Variants in PCDHA1 observed in about 807,000 individuals in gnomAD.
PCDHA1 encodes the protein protocadherin alpha-1.
A neutral mutation model predicts 61.3 loss-of-function variants in PCDHA1; 42 were observed. That is an observed-to-expected ratio of 0.69 (90% CI 0.54 to 0.89). The LOEUF (loss-of-function observed/expected upper bound fraction) is 0.89. Ranked by LOEUF, PCDHA1 falls within the 40% of genes least tolerant of loss-of-function variation. The probability of loss-of-function intolerance (pLI) is 0.00; values close to 1 mark genes in which losing one functional copy is unlikely to be tolerated. For missense variants in PCDHA1, 1,256 were observed against 1,235.3 expected, an observed-to-expected ratio of 1.02 and a Z score of -0.25; for synonymous variants, 610 against 553.8, an observed-to-expected ratio of 1.10 and a Z score of -1.43.
chr5:140,923,489 A>C (rs549066009), intron 1 of PCDHA1, among the ~76,000 whole-genome samples: 2 of 152,182 alleles, frequency 1.3e-5, no homozygotes, highest in Non-Finnish European at 2.9e-5. Flanking sequence ...TCTTCACACC[A>C]CTGCACTCCA....
chr5:140,842,035 T>C (rs2150327747), intron 1 of PCDHA1: 3 of 1,613,864 alleles, frequency 1.9e-6, no homozygotes, highest in South Asian at 1.1e-5. Context: ...TGAATGATAA[T>C]GCTCCCACTT....
In PCDHA1 at chr5:140,848,642, G is replaced by T. The variant is rs148369101; in HGVS notation, c.2394+59958G>T. On this transcript the variant is annotated intron_variant, in intron 1 of 3. Coordinates refer to ENST00000504120, the MANE Select transcript of PCDHA1 (RefSeq NM_018900.4). ...ACGGCACCTTCGTGGGCCGCATCGC[G>T]CAGGACCTGGGGCTGGAGCTGGCGG... 1.4e-5 allele frequency: 23 copies of T among 1,593,086 alleles called. 1 individual carries two copies. Among genetic ancestry groups the T allele is most frequent in the Admixed American group, 5.1e-5 (3 of 59,214 alleles).
rs146333783 is a variant in PCDHA1 at position 140,850,797 on chromosome 5, G to T, written c.2394+62113G>T. On this transcript the variant is annotated intron_variant, in intron 1 of 3. Transcript: ENST00000504120. ...CTCTGGCGAGGGTAAGCAGAAGACC[G>T]ACCTCATGGCCTTCAGCCCGGGCCT... 279 of 1,598,230 alleles carry T rather than the reference G, an allele frequency of 1.7e-4. 20 individuals carry two copies. The highest frequency in any genetic ancestry group is 2.3e-4 in the Non-Finnish European group (264 of 1,167,772).
chr5:140,835,505 G>A (rs2150237079), intron 1 of PCDHA1: 1 of 1,613,954 alleles, frequency 6.2e-7, no homozygotes, highest in Admixed American at 1.7e-5. Flanking sequence ...TGATTAGCGT[G>A]TTTGACCGAG....
intron 1 of PCDHA1, chr5:140,884,342 G>T (rs782616190): frequency 6.2e-7 from 1 of 1,613,902 alleles, no homozygotes; most frequent in Admixed American, 1.7e-5. Flanking sequence ...TCCAGAAGCG[G>T]CGCTGGTGGA....
chr5:140,938,973 G>A (rs112209995), intron 1 of PCDHA1, among the ~76,000 whole-genome samples: 3 of 152,224 alleles, frequency 2.0e-5, no homozygotes, highest in East Asian at 1.9e-4. Context: ...TTGGCATCAA[G>A]GCTATCCTGG....
At chr5:140,802,625 G>T (rs368335379) in intron 1 of PCDHA1, 17 of 1,613,842 alleles carry the variant, frequency 1.1e-5, no homozygotes, top group Non-Finnish European at 1.4e-5. Flanking sequence ...ACATCTTCAC[G>T]GTGTCTGCGC....
rs2150153657 is a variant in PCDHA1, at chr5:140,828,287, A to G, written c.2394+39603A>G. 17 of 1,613,924 alleles carry G rather than the reference A, an allele frequency of 1.1e-5. No homozygotes were observed. The highest frequency in any genetic ancestry group is 4.5e-5 in the East Asian group (2 of 44,896). On this transcript the variant is annotated intron_variant, in intron 1 of 3. Coordinates refer to ENST00000504120, the MANE Select transcript of PCDHA1 (RefSeq NM_018900.4). ...GGAGCTGGTGCCGCGCCTGTTCAGG[A>G]TGGCCTCCAAAGACCGCGAGGACCT... is the stretch of plus-strand genomic sequence containing the variant.
rs1359152136 is a variant in PCDHA1, at chr5:140,969,072, C to T, written c.2395-9877C>T. 2.1e-5 allele frequency: 34 copies of T among 1,613,982 alleles called. No individual in the cohort carries two copies. The highest frequency in any genetic ancestry group is 5.0e-5 in the Admixed American group (3 of 59,998). On this transcript the variant is annotated intron_variant, in intron 1 of 3. Transcript: ENST00000504120. ...AACAACAATATTGATGCCAGGATACCGCATGGCCTCAAAGTGCAGCCTCAC... is the reference window on the plus strand; with the variant it reads ...AACAACAATATTGATGCCAGGATACTGCATGGCCTCAAAGTGCAGCCTCAC...
At chr5:140,790,350 A>G (rs549645075) in intron 1 of PCDHA1, among the ~76,000 whole-genome samples, 1 of 152,318 alleles carries the variant, frequency 6.6e-6, no homozygotes, top group South Asian at 2.1e-4. Flanking sequence ...TTAAATGAAT[A>G]TATTTTTGTT....
At chr5:140,874,045 A>C (rs1365438306) in intron 1 of PCDHA1, among the ~76,000 whole-genome samples, 1 of 152,212 alleles carries the variant, frequency 6.6e-6, no homozygotes, top group East Asian at 1.9e-4. Flanking sequence ...CTTGGTGATG[A>C]TATTAGACAA....
At chr5:140,809,514 T>C (rs1554125265) in intron 1 of PCDHA1, 2 of 1,614,210 alleles carry the variant, frequency 1.2e-6, no homozygotes. Flanking sequence ...AGCCCCAGTT[T>C]ACCTGACTCT....
At chr5:140,968,346 C>A in intron 1 of PCDHA1, 2 of 1,614,090 alleles carry the variant, frequency 1.2e-6, no homozygotes, top group Non-Finnish European at 1.7e-6. Context: ...ATTAACAGTG[C>A]CAGTGGCAGC....
At chr5:140,976,691 C>G (rs1219355793) in intron 1 of PCDHA1, among the ~76,000 whole-genome samples, 1 of 152,126 alleles carries the variant, frequency 6.6e-6, no homozygotes. Context: ...AATTTAAGTA[C>G]AATAATGTTG....
At chr5:140,942,364 A>AT (rs1401660324) in intron 1 of PCDHA1, among the ~76,000 whole-genome samples, 1 of 152,040 alleles carries the variant, frequency 6.6e-6, no homozygotes, top group Non-Finnish European at 1.5e-5. Context: ...GTTAACGGAG[A>AT]TTGCACCACT....
At chr5:140,842,510 C>T in intron 1 of PCDHA1, 1 of 1,613,738 alleles carries the variant, frequency 6.2e-7, no homozygotes. Flanking sequence ...CCCCTTCAAG[C>T]TGGTGTCCAC....
intron 1 of PCDHA1, chr5:140,836,747 T>A: frequency 1.9e-6 from 3 of 1,587,224 alleles, no homozygotes; most frequent in Non-Finnish European, 2.6e-6. Flanking sequence ...ATGTGAGTCA[T>A]AAATAATCTT....
chr5:140,938,118 T>G (rs1554211986), intron 1 of PCDHA1, among the ~76,000 whole-genome samples: 1 of 152,178 alleles, frequency 6.6e-6, no homozygotes. Context: ...TCTCTCTTTT[T>G]TTAAAAAAAT....
At position 140,788,063 on chromosome 5, in the gene PCDHA1, G is replaced by A. The variant is rs1761426110; in HGVS notation, c.1773G>A (p.Val591=). Residue 591 remains valine (V), a synonymous_variant, in exon 1 of 4, where the codon GTG becomes GTA. Transcript: ENST00000504120. ...GATTGGTGGGTGCGGGTCATGTGGT[G>A]GCGAAGGTGCGCGCAGTGGACGCCG... ...VPRLVGAGHV[V]AKVRAVDADS... 1.2e-6 allele frequency: 2 copies of A among 1,613,906 alleles called. No individual in the cohort carries two copies. Among genetic ancestry groups the A allele is most frequent in the Non-Finnish European group, 1.7e-6 (2 of 1,179,914 alleles).
Sources: allele counts gnomAD v4.1 joint callset (sites outside exome capture counted in the v4.1 genomes callset), GRCh38; gene constraint gnomAD v4.1.1; transcripts MANE v1.5; gene names NCBI Gene and HGNC (gene_info 2026-07-23, HGNC 2026-07-21).